Variants in CREB1 observed in about 807,000 individuals in gnomAD.
The protein encoded by CREB1 is cAMP responsive element binding protein 1, also known as cyclic AMP-responsive element-binding protein 1.
Under a neutral mutation model 42.0 loss-of-function variants are expected in CREB1, and 2 were observed. The observed-to-expected ratio is 0.05, with a 90% CI of 0.02 to 0.15. CREB1 has a LOEUF of 0.15. Ranked by LOEUF, CREB1 falls within the 10% of genes least tolerant of loss-of-function variation. The probability of loss-of-function intolerance (pLI) is 1.00; values close to 1 mark genes in which losing one functional copy is unlikely to be tolerated. For synonymous variants in CREB1, 123 were observed against 139.9 expected, an observed-to-expected ratio of 0.88 and a Z score of 0.85; for missense variants, 199 against 388.9, an observed-to-expected ratio of 0.51 and a Z score of 4.11.
chr2:207,598,091 T>C lies in CREB1; in HGVS notation c.*1033T>C, dbSNP rs1575049833. ...GTGATATATATTTGTTTATGAAATGTTACATGTAGAAAAATACTGATTTTA... is the reference window on the plus strand; with the variant it reads ...GTGATATATATTTGTTTATGAAATGCTACATGTAGAAAAATACTGATTTTA... On this transcript the variant is annotated 3_prime_UTR_variant, in exon 8 of 8. Transcript: ENST00000353267. The C allele has an allele frequency of 5.5e-6, 1 of 180,782 alleles. No individual in the cohort carries two copies. Among genetic ancestry groups the C allele is most frequent in the Non-Finnish European group, 1.2e-5 (1 of 84,680 alleles). 11.2% of individuals were successfully genotyped at this position (180,782 alleles called of 1,614,324 possible).
intron 7 of CREB1, among the ~76,000 whole-genome samples, chr2:207,593,306 G>C (rs557781788): frequency 6.6e-6 from 1 of 152,226 alleles, no homozygotes; most frequent in Non-Finnish European, 1.5e-5. Flanking sequence ...CAGGAGGATA[G>C]CTTGAGCCCA....
intron 7 of CREB1, among the ~76,000 whole-genome samples, chr2:207,590,509 C>A (rs1014351189): frequency 3.3e-5 from 5 of 151,634 alleles, no homozygotes; most frequent in Non-Finnish European, 7.4e-5. Context: ...TTTAGTTGTT[C>A]TCTTTCTAGT....
intron 1 of CREB1, among the ~76,000 whole-genome samples, chr2:207,546,727 T>C (rs1025802803): frequency 2.5e-5 from 3 of 118,742 alleles, no homozygotes; most frequent in African/African-American, 7.9e-5. Context: ...AGACCCTATA[T>C]CAAAAAAAAA....
rs2087328253 is a variant in CREB1 at position 207,602,874 on chromosome 2, G to T, written c.*5816G>T. On this transcript the variant is annotated 3_prime_UTR_variant, in exon 8 of 8. Coordinates refer to ENST00000353267, the MANE Select transcript of CREB1 (RefSeq NM_004379.5). ...TTGTCCTTGACTGATTTGTCCACAT[G>T]TCAGTTGTAACTCCCCCACTCCCTG... 4.6e-6 allele frequency: 1 copy of T among 217,740 alleles called. No individual in the cohort carries two copies. The highest frequency in any genetic ancestry group is 5.8e-5 in the Admixed American group (1 of 17,208). 13.5% of individuals were successfully genotyped at this position (217,740 alleles called of 1,614,324 possible). A position where few individuals can be genotyped will look rare whatever the true frequency, so the allele number is the denominator to read the frequency against.
At chr2:207,541,611 A>G (rs1292736620) in intron 1 of CREB1, among the ~76,000 whole-genome samples, 1 of 152,212 alleles carries the variant, frequency 6.6e-6, no homozygotes, top group African/African-American at 2.4e-5. Context: ...AGAACATATT[A>G]CCATCAAGTG....
chr2:207,556,857 C>T (rs879826971), intron 2 of CREB1, among the ~76,000 whole-genome samples: 5 of 152,178 alleles, frequency 3.3e-5, no homozygotes, highest in Non-Finnish European at 7.3e-5. Flanking sequence ...CAATGCTAGG[C>T]CGGGCGCTGT....
intron 4 of CREB1, among the ~76,000 whole-genome samples, chr2:207,569,701 A>G (rs2082280582): frequency 6.6e-6 from 1 of 151,964 alleles, no homozygotes. Flanking sequence ...TTTGACATCT[A>G]GATCAATCCC....
At chr2:207,560,741 C>A (rs1258464023) in intron 3 of CREB1, among the ~76,000 whole-genome samples, 1 of 152,078 alleles carries the variant, frequency 6.6e-6, no homozygotes, top group Non-Finnish European at 1.5e-5. Context: ...GAAAAATATA[C>A]CCTTGATCAA....
rs1279820746 is a variant in CREB1, at chr2:207,602,784, T to A, written c.*5726T>A. ...AAGTGGGAAATAATTGTCAACATTT[T>A]TTTTGAGTATAGATTTATTAGGGGT... On this transcript the variant is annotated 3_prime_UTR_variant, in exon 8 of 8. Coordinates refer to ENST00000353267, the MANE Select transcript of CREB1 (RefSeq NM_004379.5). 1 of 215,364 alleles carries A rather than the reference T, an allele frequency of 4.6e-6. No individual in the cohort carries two copies. 13.3% of individuals were successfully genotyped at this position (215,364 alleles called of 1,614,324 possible). A position where few individuals can be genotyped will look rare whatever the true frequency, so the allele number is the denominator to read the frequency against.
intron 1 of CREB1, among the ~76,000 whole-genome samples, chr2:207,532,920 CTGTTT>C (rs774179345): frequency 1.3e-4 from 20 of 151,690 alleles, no homozygotes; most frequent in Non-Finnish European, 2.8e-4. Flanking sequence ...CGCGCCCGGC[CTGTTT>C]TATTATTTAT....
chr2:207,577,770 C>T, intron 7 of CREB1, 115 bp downstream of exon 7: 1 of 1,254,316 alleles, frequency 8.0e-7, no homozygotes, highest in Non-Finnish European at 1.1e-6. Context: ...TTTTTTTTTT[C>T]CAGCAGAATT....
chr2:207,556,746 C>A (rs989329811), intron 2 of CREB1, among the ~76,000 whole-genome samples: 3 of 152,268 alleles, frequency 2.0e-5, no homozygotes, highest in African/African-American at 7.2e-5. Context: ...AGGCAGGCTG[C>A]AGGATTGAAG....
intron 1 of CREB1, among the ~76,000 whole-genome samples, chr2:207,553,566 AT>A (rs773579940): frequency 4.6e-5 from 7 of 152,250 alleles, no homozygotes; most frequent in Non-Finnish European, 7.3e-5. Context: ...AATAGGCAAA[AT>A]GTAAACAAAA....
chr2:207,530,819 C>T (rs774886646), intron 1 of CREB1, among the ~76,000 whole-genome samples: 41 of 151,996 alleles, frequency 2.7e-4, no homozygotes, highest in Non-Finnish European at 5.2e-4. Context: ...AGTTCGAAAC[C>T]CAAGGTTTCC....
rs1296878963 is a variant in CREB1 at position 207,598,837 on chromosome 2, CA to C, written c.*1785del. ...CACTCCAGCCTGGGCGACTCCATCT[CA>C]AAAAATAAAAATAAAAAAAATGTCT... On this transcript the variant is annotated 3_prime_UTR_variant, in exon 8 of 8. Transcript: ENST00000353267. 9 of 89,602 alleles carry C rather than the reference CA, an allele frequency of 1.0e-4. No homozygotes were observed. The highest frequency in any genetic ancestry group is 4.6e-4 in the African/African-American group (8 of 17,384). 5.6% of individuals were successfully genotyped at this position (89,602 alleles called of 1,614,324 possible).
intron 5 of CREB1, among the ~76,000 whole-genome samples, chr2:207,573,304 CTG>C (rs202246426): frequency 6.6e-6 from 1 of 152,180 alleles, no homozygotes; most frequent in Admixed American, 6.5e-5. Flanking sequence ...TAGAGAAAAA[CTG>C]TGTTCAGTAG....
chr2:207,571,743 G>A lies in CREB1; in HGVS notation c.505+1422G>A, dbSNP rs952016633. ...TTTTCTTCTACTTCAGCATACCTGAGGGATACAACATACTCCTGTCAGTAA... is the reference window on the plus strand; with the variant it reads ...TTTTCTTCTACTTCAGCATACCTGAAGGATACAACATACTCCTGTCAGTAA... On this transcript the variant is annotated intron_variant, in intron 5 of 7. Coordinates refer to ENST00000353267, the MANE Select transcript of CREB1 (RefSeq NM_004379.5). The A allele has an allele frequency of 6.6e-6, 3 of 455,236 alleles. No individual in the cohort carries two copies. The East Asian group carries it at 2.1e-4, about 32-fold the overall frequency. The allele number at this position is 455,236 out of a possible 1,614,324, so 28.2% of individuals were successfully genotyped here.
At chr2:207,568,448 A>G (rs761539062) in intron 4 of CREB1, among the ~76,000 whole-genome samples, 54 of 152,140 alleles carry the variant, frequency 3.5e-4, no homozygotes, top group Non-Finnish European at 4.1e-4. Flanking sequence ...CTGTTAGTAT[A>G]TAACACATTT....
chr2:207,588,919 T>C (rs2084436897), intron 7 of CREB1, among the ~76,000 whole-genome samples: 1 of 152,072 alleles, frequency 6.6e-6, no homozygotes, highest in South Asian at 2.1e-4. Flanking sequence ...TGGGATTCTC[T>C]ACACAAATTA....
Sources: gnomAD v4.1 joint callset for allele counts (sites outside exome capture counted in the v4.1 genomes callset) on GRCh38, gnomAD v4.1.1 for gene constraint, MANE v1.5 for transcripts, NCBI Gene and HGNC (gene_info 2026-07-23, HGNC 2026-07-21) for gene names.